Variants in TANGO6 observed in about 807,000 individuals in gnomAD.
The protein encoded by TANGO6 is transport and golgi organization 6 homolog.
Under a neutral mutation model 114.2 loss-of-function variants are expected in TANGO6, and 90 were observed. The observed-to-expected ratio is 0.79, with a 90% CI of 0.66 to 0.94. The LOEUF is 0.94. Among genes scored for constraint, TANGO6 ranks in the 40% least tolerant of loss-of-function variants. The pLI is 0.00. For synonymous variants in TANGO6, 477 were observed against 509.8 expected (o/e 0.94, Z 0.87); for missense variants, 1,274 against 1,315.3 (o/e 0.97, Z 0.49).
chr16:68,954,567 A>G (rs1479748307), intron 14 of TANGO6, among the ~76,000 whole-genome samples: 1 of 152,236 alleles, frequency 6.6e-6, no homozygotes, highest in Non-Finnish European at 1.5e-5. Flanking sequence ...GCCTAGCGAG[A>G]AAGTTTTATA....
At chr16:68,857,016 G>A (rs950901335) in intron 1 of TANGO6, among the ~76,000 whole-genome samples, 3 of 152,244 alleles carry the variant, frequency 2.0e-5, no homozygotes, top group South Asian at 2.1e-4. Flanking sequence ...GGCTGAGGCC[G>A]GAGAATGGCC....
chr16:69,025,026 T>C (rs533118307), intron 16 of TANGO6, among the ~76,000 whole-genome samples: 52 of 152,172 alleles, frequency 3.4e-4, no homozygotes, highest in Non-Finnish European at 6.2e-4. Flanking sequence ...CAGGCTGGTC[T>C]TGAATTCCCA....
At chr16:68,861,102 TCATAGACA>T (rs1962085620) in intron 2 of TANGO6, among the ~76,000 whole-genome samples, 1 of 152,142 alleles carries the variant, frequency 6.6e-6, no homozygotes, top group South Asian at 2.1e-4. Context: ...GCTGTGGAGA[TCATAGACA>T]CATAAGACAT....
At chr16:68,844,258 G>T (rs1367057797) in intron 1 of TANGO6, among the ~76,000 whole-genome samples, 4 of 152,142 alleles carry the variant, frequency 2.6e-5, no homozygotes, top group African/African-American at 9.7e-5. Flanking sequence ...AAAATCTGAA[G>T]GGATATTGGG....
intron 15 of TANGO6, among the ~76,000 whole-genome samples, chr16:69,015,464 T>TTTTATTTATTTATTTATTTA (rs60863406): frequency 0.02 from 2,862 of 143,900 alleles, 55 homozygotes; most frequent in Admixed American, 0.028. Flanking sequence ...GCTCATTTTA[T>TTTTATTTATTTATTTATTTA]TTTATTTATT....
chr16:68,855,811 G>A (rs1253438726), intron 1 of TANGO6, among the ~76,000 whole-genome samples: 2 of 151,840 alleles, frequency 1.3e-5, no homozygotes, highest in Non-Finnish European at 2.9e-5. Flanking sequence ...CTTGAACCTG[G>A]GAGGTGGAGG....
intron 7 of TANGO6, among the ~76,000 whole-genome samples, chr16:68,882,351 G>A (rs1439990112): frequency 6.6e-6 from 1 of 151,898 alleles, no homozygotes; most frequent in African/African-American, 2.4e-5. Context: ...AAAAAAATTA[G>A]CCGGGCGTGG....
chr16:68,864,697 A>T (rs1962150458), intron 3 of TANGO6, among the ~76,000 whole-genome samples: 1 of 152,168 alleles, frequency 6.6e-6, no homozygotes, highest in African/African-American at 2.4e-5. Context: ...TTTTCATCTC[A>T]TCCTTAGAAT....
intron 14 of TANGO6, among the ~76,000 whole-genome samples, chr16:68,966,754 C>T (rs1464232671): frequency 2.0e-5 from 3 of 151,286 alleles, no homozygotes; most frequent in Admixed American, 6.6e-5. Context: ...GAGGCATGCA[C>T]CACCATGTCT....
intron 14 of TANGO6, among the ~76,000 whole-genome samples, chr16:68,948,625 GTT>G (rs1423677000): frequency 1.3e-5 from 2 of 152,146 alleles, no homozygotes; most frequent in African/African-American, 4.8e-5. Flanking sequence ...TTGGAAAATT[GTT>G]TCACTATATA....
intron 14 of TANGO6, among the ~76,000 whole-genome samples, chr16:68,941,383 G>T (rs1423323897): frequency 6.6e-6 from 1 of 151,974 alleles, no homozygotes; most frequent in Non-Finnish European, 1.5e-5. Flanking sequence ...TCTATTAGTA[G>T]TTTTATGAAT....
intron 14 of TANGO6, among the ~76,000 whole-genome samples, chr16:68,943,529 T>A (rs1963379201): frequency 6.6e-6 from 1 of 151,996 alleles, no homozygotes; most frequent in South Asian, 2.1e-4. Flanking sequence ...ACGCACTGGC[T>A]AATTTTTTGT....
At chr16:68,917,542 C>T (rs1333130244) in intron 11 of TANGO6, among the ~76,000 whole-genome samples, 1 of 152,166 alleles carries the variant, frequency 6.6e-6, no homozygotes, top group Non-Finnish European at 1.5e-5. Flanking sequence ...AATGAGAGAG[C>T]TCCTGTTGAT....
At chr16:69,003,899 T>A (rs1001750821) in intron 15 of TANGO6, among the ~76,000 whole-genome samples, 1 of 152,040 alleles carries the variant, frequency 6.6e-6, no homozygotes, top group Non-Finnish European at 1.5e-5. Context: ...TCCATAACTT[T>A]CTACTCATCT....
intron 14 of TANGO6, among the ~76,000 whole-genome samples, chr16:68,968,421 A>G: frequency 6.7e-6 from 1 of 149,218 alleles, no homozygotes; most frequent in East Asian, 2.0e-4. Context: ...TTGGAGTGCA[A>G]TGGTGCAATC....
At chr16:69,018,739 G>A (rs971164658) in intron 15 of TANGO6, among the ~76,000 whole-genome samples, 2 of 151,190 alleles carry the variant, frequency 1.3e-5, no homozygotes, top group South Asian at 2.1e-4. Flanking sequence ...TGGCTAACAC[G>A]GTGAAACCCC....
intron 12 of TANGO6, 86 bp from the exon 13 acceptor site, chr16:68,927,482 T>C: frequency 6.8e-7 from 1 of 1,460,886 alleles, no homozygotes. Context: ...CTGCCCTTTT[T>C]TCTCAGAATA....
intron 15 of TANGO6, among the ~76,000 whole-genome samples, chr16:69,006,491 C>T (rs1005338128): frequency 7.2e-5 from 11 of 152,032 alleles, no homozygotes; most frequent in African/African-American, 1.9e-4. Context: ...TGCCTGTAAT[C>T]CTAGCACTTT....
chr16:68,931,582 A>C (rs1341278728), intron 14 of TANGO6, among the ~76,000 whole-genome samples: 1 of 152,240 alleles, frequency 6.6e-6, no homozygotes, highest in Non-Finnish European at 1.5e-5. Context: ...AAAATGAAGG[A>C]CTGATACATG....
Sources: allele counts gnomAD v4.1 joint callset (sites outside exome capture counted in the v4.1 genomes callset), GRCh38; gene constraint gnomAD v4.1.1; transcripts MANE v1.5; gene names NCBI Gene and HGNC (gene_info 2026-07-23, HGNC 2026-07-21).